Variants in CDH23 observed in about 807,000 individuals in gnomAD.
CDH23 encodes cadherin-23.
A neutral mutation model predicts 317.1 loss-of-function variants in CDH23; 189 were observed. The ratio of observed to expected loss-of-function variants is 0.60; its 90% CI spans 0.53 to 0.67. CDH23 has a LOEUF of 0.67. Ranked by LOEUF, CDH23 falls within the 30% of genes least tolerant of loss-of-function variation. The pLI, the probability that CDH23 is intolerant of heterozygous loss-of-function variation, is 0.00. For synonymous variants in CDH23, 1,839 were observed against 1,876.8 expected (o/e 0.98, Z 0.52); for missense variants, 4,401 against 4,592.4 (o/e 0.96, Z 1.20).
At chr10:71,778,824 C>G (rs978391892) in intron 40 of CDH23, among the ~76,000 whole-genome samples, 1 of 152,186 alleles carries the variant, frequency 6.6e-6, no homozygotes, top group African/African-American at 2.4e-5. Flanking sequence ...GGCTTGATCA[C>G]AGCTCACTGC....
intron 46 of CDH23, 104 bp downstream of exon 46, chr10:71,790,517 C>T: frequency 7.1e-7 from 1 of 1,411,056 alleles, no homozygotes; most frequent in Non-Finnish European, 9.5e-7. Context: ...CCCAGGCTGT[C>T]CGTGGAGACC....
chr10:71,675,418 C>T (rs549984993), intron 15 of CDH23, among the ~76,000 whole-genome samples: 1 of 152,154 alleles, frequency 6.6e-6, no homozygotes, highest in Non-Finnish European at 1.5e-5. Context: ...CAAAAGATAG[C>T]CTTTAGCTTT....
Position 71,799,544 on chromosome 10 carries a change from C to T in CDH23, c.7277C>T (p.Ala2426Val), listed in dbSNP as rs1841497964. The change falls in exon 52 of 70, where the codon GCC becomes GTC. Residue 2426 changes from alanine to valine, a missense_variant. Coordinates refer to ENST00000224721, the MANE Select transcript of CDH23 (RefSeq NM_022124.6). ...PVGTIILTVT[A>V]TDADSGNFAL... is the part of the protein sequence containing the mutation. Reference sequence around the variant, plus strand: ...GGCACAATCATCCTGACAGTCACTGCCACTGATGCTGACTCAGGCAACTTT... The same window carrying T: ...GGCACAATCATCCTGACAGTCACTGTCACTGATGCTGACTCAGGCAACTTT... 6.2e-7 allele frequency: 1 copy of T among 1,614,062 alleles called. No individual in the cohort carries two copies.
intron 32 of CDH23, chr10:71,732,726 GGCTGGTATCCTTCT>G: frequency 1.3e-5 from 15 of 1,186,366 alleles, no homozygotes; most frequent in Admixed American, 8.3e-5. Context: ...TACCTATGCA[GGCTGGTATCCTTCT>G]GTTTTTCCTT....
intron 44 of CDH23, among the ~76,000 whole-genome samples, chr10:71,787,350 G>T (rs558083705): frequency 6.7e-6 from 1 of 149,392 alleles, no homozygotes; most frequent in African/African-American, 2.5e-5. Flanking sequence ...TTAGATTCAG[G>T]GAGTACAAGC....
chr10:71,797,042 C>A, intron 48 of CDH23, 62 bp from the exon 49 acceptor site: 1 of 1,107,022 alleles, frequency 9.0e-7, no homozygotes, highest in Non-Finnish European at 1.4e-6. Context: ...AGGAGCACCC[C>A]TGGGAAGGGC....
intron 1 of CDH23, among the ~76,000 whole-genome samples, chr10:71,414,983 A>G (rs948257679): frequency 3.3e-5 from 5 of 152,236 alleles, no homozygotes; most frequent in African/African-American, 1.2e-4. Context: ...GAATTGACAT[A>G]AAGTTATTTG....
intron 1 of CDH23, among the ~76,000 whole-genome samples, chr10:71,434,572 C>T (rs1437286571): frequency 6.6e-6 from 1 of 152,136 alleles, no homozygotes; most frequent in Non-Finnish European, 1.5e-5. Flanking sequence ...TGGATGCTGT[C>T]ACTGAACCAC....
At chr10:71,788,355 T>G (rs1333572899) in intron 44 of CDH23, among the ~76,000 whole-genome samples, 2 of 151,990 alleles carry the variant, frequency 1.3e-5, no homozygotes, top group Non-Finnish European at 2.9e-5. Context: ...CAGCATGTTG[T>G]TTTTTGACTT....
rs1424067857 is a variant in CDH23 at position 71,738,666 on chromosome 10, C to T, written c.4359+19C>T. 5 of 1,609,830 alleles carry T rather than the reference C, an allele frequency of 3.1e-6. No homozygotes were observed. Among genetic ancestry groups the T allele is most frequent in the Non-Finnish European group, 3.4e-6 (4 of 1,177,730 alleles). ...TGGGCAGGTGGGCCACCGAGTGAAA[C>T]AGCCAGGATCCACCATGTCAGCGGG... On this transcript the variant is annotated intron_variant, in intron 35 of 69. Transcript: ENST00000224721.
chr10:71,527,006 T>C (rs1855076878), intron 6 of CDH23, among the ~76,000 whole-genome samples: 1 of 152,056 alleles, frequency 6.6e-6, no homozygotes, highest in African/African-American at 2.4e-5. Flanking sequence ...TGACAGACCA[T>C]TGTGAGAGTG....
chr10:71,499,754 G>A (rs1016879496), intron 3 of CDH23, among the ~76,000 whole-genome samples: 6 of 152,144 alleles, frequency 3.9e-5, no homozygotes, highest in South Asian at 4.1e-4. Context: ...CAGGAGAATC[G>A]CTTGACCCCA....
chr10:71,467,653 C>A (rs1026314846), intron 3 of CDH23, among the ~76,000 whole-genome samples: 1 of 152,188 alleles, frequency 6.6e-6, no homozygotes, highest in Non-Finnish European at 1.5e-5. Flanking sequence ...AGGTTCTGAA[C>A]CTCTCTGTGC....
intron 3 of CDH23, among the ~76,000 whole-genome samples, chr10:71,470,095 G>A (rs560052729): frequency 7.6e-4 from 116 of 152,236 alleles, no homozygotes; most frequent in South Asian, 5.8e-3. Context: ...TCAGCCTCCT[G>A]AGTAGCAGGA....
Position 71,793,406 on chromosome 10 carries a change from G to A in CDH23, c.6478G>A (p.Val2160Ile). The A allele has an allele frequency of 6.2e-7, 1 of 1,614,020 alleles. No homozygotes were observed. The highest frequency in any genetic ancestry group is 8.5e-7 in the Non-Finnish European group (1 of 1,179,898). Residue 2160 changes from valine to isoleucine, a missense_variant, in exon 48 of 70, where the codon GTC becomes ATC. Transcript: ENST00000224721. ...GTVPLSGTAIVTILIDDINDS... is the reference protein window; with the variant it reads ...GTVPLSGTAIITILIDDINDS... ...CGTTCCTCTCTCGGGCACAGCCATT[G>A]TCACCATTCTGATCGATGACATCAA...
intron 2 of CDH23, among the ~76,000 whole-genome samples, chr10:71,441,615 G>A (rs900514343): frequency 2.0e-5 from 3 of 152,194 alleles, no homozygotes. Context: ...GCAGCTACTT[G>A]GGAGGCTGAG....
intron 14 of CDH23, among the ~76,000 whole-genome samples, chr10:71,669,925 C>T (rs896001201): frequency 1.6e-4 from 24 of 152,078 alleles, no homozygotes; most frequent in African/African-American, 5.1e-4. Flanking sequence ...TGCTTGAACC[C>T]GGGAGGCGGA....
At chr10:71,486,273 C>G (rs1852342080) in intron 3 of CDH23, among the ~76,000 whole-genome samples, 1 of 152,112 alleles carries the variant, frequency 6.6e-6, no homozygotes, top group South Asian at 2.1e-4. Flanking sequence ...ACTGAATGAA[C>G]AGGTTATTTG....
chr10:71,673,948 A>C (rs1864251587), intron 14 of CDH23, among the ~76,000 whole-genome samples: 1 of 152,152 alleles, frequency 6.6e-6, no homozygotes, highest in Non-Finnish European at 1.5e-5. Context: ...GCACCCCCTG[A>C]GAACCTGGGA....
Sources: gnomAD v4.1 joint callset for allele counts (sites outside exome capture counted in the v4.1 genomes callset) on GRCh38, gnomAD v4.1.1 for gene constraint, MANE v1.5 for transcripts, NCBI Gene and HGNC (gene_info 2026-07-23, HGNC 2026-07-21) for gene names.